Variants in ZFHX3 observed in about 807,000 individuals in gnomAD.
ZFHX3 encodes zinc finger homeobox protein 3.
ZFHX3 carries 42 observed loss-of-function variants against 279.1 expected under a neutral mutation model. That is an observed-to-expected ratio of 0.15 (90% CI 0.12 to 0.19). The LOEUF is 0.19. Ranked by LOEUF, ZFHX3 falls within the 10% of genes least tolerant of loss-of-function variation. The pLI is 1.00. For synonymous variants in ZFHX3, 2,293 were observed against 1,957.8 expected, an observed-to-expected ratio of 1.17 and a Z score of -4.52; for missense variants, 4,981 against 4,754.0, an observed-to-expected ratio of 1.05 and a Z score of -1.40.
chr16:72,994,751 G>A (rs974691695), intron 1 of ZFHX3, among the ~76,000 whole-genome samples: 6 of 152,228 alleles, frequency 3.9e-5, no homozygotes, highest in African/African-American at 1.4e-4. Flanking sequence ...CAGAACCAGT[G>A]CTCAGCACCA....
intron 2 of ZFHX3, among the ~76,000 whole-genome samples, chr16:73,576,083 T>C (rs1463694487): frequency 6.6e-6 from 1 of 152,180 alleles, no homozygotes; most frequent in African/African-American, 2.4e-5. Flanking sequence ...TCTTTAATAC[T>C]TATACACACT....
intron 1 of ZFHX3, among the ~76,000 whole-genome samples, chr16:73,776,246 T>G (rs888595539): frequency 6.6e-5 from 10 of 152,184 alleles, no homozygotes; most frequent in African/African-American, 2.2e-4. Context: ...TGTCTATGAC[T>G]GAAGTGTGCA....
At chr16:73,267,713 G>A (rs930589376) in intron 4 of ZFHX3, among the ~76,000 whole-genome samples, 1 of 152,154 alleles carries the variant, frequency 6.6e-6, no homozygotes, top group Admixed American at 6.5e-5. Flanking sequence ...AGGTGACTGG[G>A]CTAGACCTTG....
At chr16:73,583,795 C>T in intron 2 of ZFHX3, among the ~76,000 whole-genome samples, 1 of 151,988 alleles carries the variant, frequency 6.6e-6, no homozygotes, top group East Asian at 1.9e-4. Context: ...CGGCAAAACC[C>T]AATAAACAGA....
chr16:73,859,953 G>A (rs1210452711), intron 1 of ZFHX3, among the ~76,000 whole-genome samples: 2 of 152,156 alleles, frequency 1.3e-5, no homozygotes, highest in South Asian at 2.1e-4. Flanking sequence ...CAAACACCAA[G>A]AGACAGGCAC....
intron 2 of ZFHX3, among the ~76,000 whole-genome samples, chr16:73,619,854 C>T (rs1028688992): frequency 6.6e-6 from 1 of 152,162 alleles, no homozygotes; most frequent in African/African-American, 2.4e-5. Flanking sequence ...TCAAGTTTTT[C>T]TCATGTGAGT....
At chr16:73,712,401 C>T (rs1051061790) in intron 1 of ZFHX3, among the ~76,000 whole-genome samples, 1 of 152,190 alleles carries the variant, frequency 6.6e-6, no homozygotes, top group Non-Finnish European at 1.5e-5. Context: ...AATTCAAACC[C>T]AGGCCTCTGA....
chr16:73,136,773 C>G (rs1367717485), intron 6 of ZFHX3, among the ~76,000 whole-genome samples: 3 of 138,598 alleles, frequency 2.2e-5, no homozygotes, highest in East Asian at 4.3e-4. Flanking sequence ...ACTGCAATGA[C>G]TTTTGCACCA....
chr16:73,526,542 C>T (rs1041336839), intron 2 of ZFHX3, among the ~76,000 whole-genome samples: 6 of 152,176 alleles, frequency 3.9e-5, no homozygotes, highest in Non-Finnish European at 7.3e-5. Flanking sequence ...TCAAAATGAC[C>T]CAGGCCCTGG....
intron 2 of ZFHX3, among the ~76,000 whole-genome samples, chr16:73,539,911 A>G (rs1480073206): frequency 4.6e-5 from 7 of 152,208 alleles, no homozygotes; most frequent in Admixed American, 4.6e-4. Context: ...GTATATACAG[A>G]CAAACTGTTT....
In ZFHX3 at chr16:73,166,564, C is replaced by G. The variant is rs572958989; in HGVS notation, c.-1103-22733G>C. On this transcript the variant is annotated intron_variant, in intron 5 of 17. Coordinates refer to the ZFHX3 transcript ENST00000641206. ...GGAAGGGCCGGATTGGGCAAGAGCA[C>G]GGGGCAGCATTCACTGGGAGAGAGG... Among the ~76,000 whole-genome samples, 391 of 152,130 alleles carry G rather than the reference C, an allele frequency of 2.6e-3. 2 individuals carry two copies. Among genetic ancestry groups the G allele is most frequent in the African/African-American group, 8.9e-3 (368 of 41,522 alleles).
intron 2 of ZFHX3, among the ~76,000 whole-genome samples, chr16:73,481,076 A>G (rs976988416): frequency 6.6e-6 from 1 of 152,128 alleles, no homozygotes; most frequent in African/African-American, 2.4e-5. Context: ...CACACCTGTA[A>G]TCCCAGAACT....
At chr16:73,014,580 T>A (rs1283983727) in intron 1 of ZFHX3, 1 of 135,096 alleles carries the variant, frequency 7.4e-6, no homozygotes, top group Non-Finnish European at 1.5e-5. Context: ...CAGGCTGGAG[T>A]GCAGTGGTGC....
chr16:73,267,701 A>G (rs1170570544), intron 4 of ZFHX3, among the ~76,000 whole-genome samples: 1 of 152,160 alleles, frequency 6.6e-6, no homozygotes, highest in Non-Finnish European at 1.5e-5. Context: ...GGTAGCCTTG[A>G]GAGGTGACTG....
At chr16:73,376,651 C>T (rs1779291400) in intron 3 of ZFHX3, among the ~76,000 whole-genome samples, 1 of 152,134 alleles carries the variant, frequency 6.6e-6, no homozygotes, top group Non-Finnish European at 1.5e-5. Flanking sequence ...ATGGCAACAA[C>T]CGTACGGGAA....
At chr16:72,949,294 CG>C (rs1732823845) in intron 3 of ZFHX3, among the ~76,000 whole-genome samples, 2 of 152,016 alleles carry the variant, frequency 1.3e-5, no homozygotes, top group Admixed American at 1.3e-4. Context: ...GGCCCAAAGA[CG>C]CGAGAAACAG....
intron 1 of ZFHX3, among the ~76,000 whole-genome samples, chr16:72,993,287 G>A (rs949240087): frequency 3.3e-5 from 5 of 152,130 alleles, no homozygotes; most frequent in Admixed American, 2.0e-4. Flanking sequence ...CCCACTGTTC[G>A]CATCACAAGA....
chr16:73,106,092 G>A (rs191852818), intron 7 of ZFHX3, among the ~76,000 whole-genome samples: 53 of 152,116 alleles, frequency 3.5e-4, no homozygotes, highest in Admixed American at 1.2e-3. Context: ...TGACCTGTTA[G>A]GGGCTTCTCT....
At chr16:73,878,940 G>GATATATAT (rs3082335) in intron 1 of ZFHX3, among the ~76,000 whole-genome samples, 174 of 141,020 alleles carry the variant, frequency 1.2e-3, no homozygotes, top group East Asian at 4.0e-3. Flanking sequence ...AAAAAGATAA[G>GATATATAT]ATATATATAT....
Sources: allele counts gnomAD v4.1 joint callset (sites outside exome capture counted in the v4.1 genomes callset), GRCh38; gene constraint gnomAD v4.1.1; transcripts MANE v1.5; gene names NCBI Gene and HGNC (gene_info 2026-07-23, HGNC 2026-07-21).